SYNE2: variants seen among roughly 807,000 people sequenced by gnomAD.
SYNE2 encodes nesprin-2.
In SYNE2, 431 loss-of-function variants were observed where a neutral mutation model predicts 856.3. The observed-to-expected ratio is 0.50, with a 90% CI of 0.47 to 0.55. The LOEUF (loss-of-function observed/expected upper bound fraction) is 0.55, where lower values mean the gene tolerates loss of function less well. Ranked by LOEUF, SYNE2 falls within the 20% of genes least tolerant of loss-of-function variation. The pLI, the probability that SYNE2 is intolerant of heterozygous loss-of-function variation, is 0.00. For missense variants in SYNE2, 8,129 were observed against 8,023.2 expected, an observed-to-expected ratio of 1.01 and a Z score of -0.50; for synonymous variants, 2,923 against 2,872.3, an observed-to-expected ratio of 1.02 and a Z score of -0.56.
At chr14:63,772,010 G>A (rs1886934115) in intron 1 of SYNE2, among the ~76,000 whole-genome samples, 1 of 152,158 alleles carries the variant, frequency 6.6e-6, no homozygotes, top group South Asian at 2.1e-4. Context: ...TGCTAAATGG[G>A]GAAAAAACTA....
intron 95 of SYNE2, among the ~76,000 whole-genome samples, 161 bp downstream of exon 95, chr14:64,175,299 A>T (rs1209525757): frequency 2.0e-5 from 3 of 152,104 alleles, no homozygotes; most frequent in Admixed American, 1.3e-4. Flanking sequence ...ATGTGAAATG[A>T]TGATATAGCA....
chr14:64,065,537 C>T lies in SYNE2; in HGVS notation c.10318C>T (p.Leu3440Phe), dbSNP rs773176192. 3 of 1,613,972 alleles carry T rather than the reference C, an allele frequency of 1.9e-6. No homozygotes were observed. The highest frequency in any genetic ancestry group is 2.7e-5 in the African/African-American group (2 of 74,890). ...RCTENDGICLLKIVSALWEKW... is the reference protein window; with the variant it reads ...RCTENDGICLFKIVSALWEKW... ...CACAGAAAATGATGGCATATGTTTG[C>T]TCAAGATTGTGTCGGCTCTGTGGGA... Residue 3440 changes from leucine to phenylalanine, a missense_variant, in exon 51 of 116, where the codon CTC becomes TTC. Coordinates refer to ENST00000555002, the MANE Select transcript of SYNE2 (RefSeq NM_182914.3).
At chr14:63,959,749 C>A (rs1191874026) in intron 8 of SYNE2, among the ~76,000 whole-genome samples, 2 of 151,484 alleles carry the variant, frequency 1.3e-5, no homozygotes, top group African/African-American at 4.9e-5. Context: ...TTTCTTTTTC[C>A]TTCATTTTTC....
At chr14:63,960,837 G>C in intron 8 of SYNE2, 1 of 749,972 alleles carries the variant, frequency 1.3e-6, no homozygotes, top group Non-Finnish European at 2.4e-6. Context: ...TTGAGGCCAG[G>C]AGTTTGAGAC....
intron 1 of SYNE2, among the ~76,000 whole-genome samples, chr14:63,895,430 A>G (rs1273210670): frequency 1.3e-5 from 2 of 151,260 alleles, no homozygotes; most frequent in Non-Finnish European, 1.5e-5. Context: ...TTCTACTACC[A>G]ATTTTTTCTT....
At chr14:64,099,056 A>C (rs1204694550) in intron 63 of SYNE2, 1 of 500,504 alleles carries the variant, frequency 2.0e-6, no homozygotes, top group African/African-American at 1.9e-5. Flanking sequence ...CATACGGGAG[A>C]AGGTGAAGAA....
chr14:64,121,958 G>A, intron 68 of SYNE2, 54 bp from the exon 69 acceptor site: 2 of 1,609,262 alleles, frequency 1.2e-6, no homozygotes, highest in South Asian at 1.1e-5. Context: ...AAACTAGTGG[G>A]TACTAATCGA....
Position 63,801,342 on chromosome 14 carries a change from C to T in SYNE2, c.-305+39356C>T, listed in dbSNP as rs994652603. Among the ~76,000 whole-genome samples the T allele has an allele frequency of 2.6e-4, 39 of 152,226 alleles. 1 individual carries two copies. The highest frequency in any genetic ancestry group is 9.1e-4 in the African/African-American group (38 of 41,534). ...AACTTACTCATGTAACCAAATACCA[C>T]CTGTACCCCAATAACTTACGGAGAA... is the stretch of plus-strand genomic sequence containing the variant. On this transcript the variant is annotated intron_variant, in intron 1 of 23. Coordinates refer to the SYNE2 transcript ENST00000674003.
chr14:63,998,805 C>A, intron 26 of SYNE2, 109 bp from the exon 27 acceptor site: 1 of 1,242,274 alleles, frequency 8.0e-7, no homozygotes, highest in Non-Finnish European at 1.2e-6. Context: ...TCAGGCAATC[C>A]ACCCGCCTTG....
chr14:64,162,255 C>G lies in SYNE2; in HGVS notation c.16278C>G (p.Pro5426=), dbSNP rs867193481. ...GAAACAACCTGGCAGAGATCCTGCC[C>G]CCAGCCCTGCAGGACATAAAGGTGG... ...MSGNNLAEIL[P]PALQDIKELQ... The change falls in exon 88 of 116, where the codon CCC becomes CCG. Residue 5426 remains proline (P), a synonymous_variant. Coordinates refer to ENST00000555002, the MANE Select transcript of SYNE2 (RefSeq NM_182914.3). 3 of 1,614,126 alleles carry G rather than the reference C, an allele frequency of 1.9e-6. No individual in the cohort carries two copies. Among genetic ancestry groups the G allele is most frequent in the Non-Finnish European group, 2.5e-6 (3 of 1,179,992 alleles).
At chr14:63,924,834 GTTTTTTTTT>G (rs1160819887) in intron 2 of SYNE2, among the ~76,000 whole-genome samples, 8 of 56,454 alleles carry the variant, frequency 1.4e-4, no homozygotes, top group Non-Finnish European at 2.6e-4. Flanking sequence ...CAGCCTTGGT[GTTTTTTTTT>G]TTTTTTTTTT....
rs576919982 is a variant in SYNE2 at position 64,056,264 on chromosome 14, A to G, written c.10065A>G (p.Glu3355=). The G allele has an allele frequency of 6.2e-7, 1 of 1,613,660 alleles. No individual in the cohort carries two copies. Among genetic ancestry groups the G allele is most frequent in the Admixed American group, 1.7e-5 (1 of 60,010 alleles). ...EAFKAQETEA[E]RYLENYKCYR... is the part of the protein sequence containing the mutation. ...TCAAAGCACAGGAAACTGAGGCAGA[A>G]AGGTAGGTCCTCTTCCAAAGGTAAT... Residue 3355 remains glutamate, a splice_region_variant and synonymous_variant, in exon 49 of 116, where the codon GAA becomes GAG. Coordinates refer to ENST00000555002, the MANE Select transcript of SYNE2 (RefSeq NM_182914.3).
intron 110 of SYNE2, 126 bp from the exon 111 acceptor site, chr14:64,220,311 T>C (rs1402846884): frequency 9.4e-7 from 1 of 1,060,090 alleles, no homozygotes; most frequent in Admixed American, 2.0e-5. Flanking sequence ...CCAGGCGAGG[T>C]CACTCTCATT....
intron 38 of SYNE2, chr14:64,023,208 C>A (rs914312582): frequency 4.2e-6 from 1 of 240,698 alleles, no homozygotes; most frequent in Non-Finnish European, 8.1e-6. Context: ...CCACTGCACT[C>A]CAGCACTCCA....
chr14:64,220,709 T>A, intron 111 of SYNE2, 72 bp downstream of exon 111: 1 of 1,546,272 alleles, frequency 6.5e-7, no homozygotes, highest in Non-Finnish European at 8.8e-7. Context: ...CAGATATTTT[T>A]ATCATCATCA....
intron 99 of SYNE2, among the ~76,000 whole-genome samples, chr14:64,198,459 A>G (rs1419462841): frequency 6.6e-6 from 1 of 152,252 alleles, no homozygotes; most frequent in Non-Finnish European, 1.5e-5. Context: ...ATACACGCTC[A>G]GCAGTGCACC....
chr14:64,142,507 A>C (rs549237942), intron 82 of SYNE2, among the ~76,000 whole-genome samples: 2 of 152,180 alleles, frequency 1.3e-5, no homozygotes, highest in African/African-American at 4.8e-5. Context: ...GTCATCTTCC[A>C]TAGTCAGCTC....
intron 1 of SYNE2, among the ~76,000 whole-genome samples, chr14:63,904,200 C>A (rs2153337649): frequency 6.6e-6 from 1 of 152,232 alleles, no homozygotes; most frequent in Middle Eastern, 3.4e-3. Flanking sequence ...TATGCACTAC[C>A]TTTTCTTTAT....
At chr14:63,885,259 C>T (rs535989707) in intron 1 of SYNE2, among the ~76,000 whole-genome samples, 13 of 152,324 alleles carry the variant, frequency 8.5e-5, no homozygotes, top group African/African-American at 3.1e-4. Flanking sequence ...ATTGAGCCTG[C>T]TTTGCAACTC....
Sources: gnomAD v4.1 joint callset for allele counts (sites outside exome capture counted in the v4.1 genomes callset) on GRCh38, gnomAD v4.1.1 for gene constraint, MANE v1.5 for transcripts, NCBI Gene and HGNC (gene_info 2026-07-23, HGNC 2026-07-21) for gene names.